FSTL5: variants seen among roughly 807,000 people sequenced by gnomAD.
FSTL5 encodes follistatin like 5.
FSTL5 carries 62 observed loss-of-function variants against 89.1 expected under a neutral mutation model. The observed-to-expected ratio is 0.70, with a 90% CI of 0.57 to 0.86. The LOEUF is 0.86. Ranked by LOEUF, FSTL5 falls within the 40% of genes least tolerant of loss-of-function variation. FSTL5 has a pLI of 0.00. For synonymous variants in FSTL5, 383 were observed against 346.2 expected, an observed-to-expected ratio of 1.11 and a Z score of -1.18; for missense variants, 1,057 against 1,001.6, an observed-to-expected ratio of 1.06 and a Z score of -0.75.
rs182657427 is a variant in FSTL5 at position 161,659,258 on chromosome 4, T to A, written c.728-2764A>T. ...TATTAAGTAACTATATATTTGATAATTTCTTAGATTTGTTTTCTGCATATT... is the reference window on the plus strand; with the variant it reads ...TATTAAGTAACTATATATTTGATAAATTCTTAGATTTGTTTTCTGCATATT... On this transcript the variant is annotated intron_variant, in intron 6 of 15. Transcript: ENST00000306100. Among the ~76,000 whole-genome samples, 1,107 of 152,274 alleles carry A rather than the reference T, an allele frequency of 7.3e-3. 10 individuals are homozygous for A. Among genetic ancestry groups the A allele is most frequent in the African/African-American group, 0.025 (1,040 of 41,566 alleles).
intron 15 of FSTL5, among the ~76,000 whole-genome samples, chr4:161,415,152 A>G (rs1284891160): frequency 1.3e-5 from 2 of 152,218 alleles, no homozygotes; most frequent in Middle Eastern, 3.2e-3. Flanking sequence ...AAAACTTTAT[A>G]TCATTTCACT....
At chr4:161,887,257 T>G (rs1408632479) in intron 4 of FSTL5, among the ~76,000 whole-genome samples, 1 of 152,090 alleles carries the variant, frequency 6.6e-6, no homozygotes, top group Non-Finnish European at 1.5e-5. Context: ...GCAGACACAA[T>G]GACAAAAAAG....
At chr4:161,688,245 G>A (rs1737810197) in intron 6 of FSTL5, among the ~76,000 whole-genome samples, 1 of 152,048 alleles carries the variant, frequency 6.6e-6, no homozygotes, top group South Asian at 2.1e-4. Flanking sequence ...TCCACACCCA[G>A]CTAATATATT....
chr4:161,977,284 T>C (rs1735676097), intron 3 of FSTL5, among the ~76,000 whole-genome samples: 1 of 152,126 alleles, frequency 6.6e-6, no homozygotes, highest in Non-Finnish European at 1.5e-5. Context: ...AAATGGTTAA[T>C]TTTATGTTAC....
intron 10 of FSTL5, among the ~76,000 whole-genome samples, chr4:161,526,986 T>C (rs1236926575): frequency 6.6e-6 from 1 of 152,146 alleles, no homozygotes; most frequent in African/African-American, 2.4e-5. Context: ...AAGAAAGTCA[T>C]TGGTAGCTTG....
intron 15 of FSTL5, among the ~76,000 whole-genome samples, chr4:161,399,102 G>A (rs1731097493): frequency 6.6e-6 from 1 of 152,096 alleles, no homozygotes; most frequent in African/African-American, 2.4e-5. Context: ...AGCGAAGTCT[G>A]TGCATGGACT....
chr4:161,749,789 CAA>C (rs199662552), intron 6 of FSTL5, among the ~76,000 whole-genome samples: 12,024 of 139,820 alleles, frequency 0.086, 914 homozygotes, highest in African/African-American at 0.21. Flanking sequence ...GAGACTCCGT[CAA>C]AAAAAAAATA....
intron 6 of FSTL5, among the ~76,000 whole-genome samples, chr4:161,680,400 C>T (rs986289114): frequency 5.3e-5 from 8 of 151,972 alleles, no homozygotes; most frequent in Non-Finnish European, 1.2e-4. Flanking sequence ...CTTTCCATCT[C>T]CCTATTCAGC....
At chr4:162,078,711 CA>C (rs1473123150) in intron 2 of FSTL5, among the ~76,000 whole-genome samples, 5 of 151,754 alleles carry the variant, frequency 3.3e-5, no homozygotes, top group African/African-American at 1.2e-4. Context: ...TTTAAATAGC[CA>C]TTTGACAATT....
At chr4:162,135,347 C>T (rs1732483845) in intron 1 of FSTL5, among the ~76,000 whole-genome samples, 2 of 151,528 alleles carry the variant, frequency 1.3e-5, no homozygotes, top group Admixed American at 6.6e-5. Context: ...TTTTTTAATA[C>T]AAAGGGTATA....
intron 4 of FSTL5, among the ~76,000 whole-genome samples, chr4:161,864,842 G>A (rs915353216): frequency 6.9e-5 from 10 of 144,846 alleles, no homozygotes; most frequent in East Asian, 4.1e-4. Flanking sequence ...ACTGCACTCC[G>A]GGCTGACGAC....
chr4:161,806,768 A>C (rs1436442858), intron 4 of FSTL5, among the ~76,000 whole-genome samples: 1 of 152,170 alleles, frequency 6.6e-6, no homozygotes, highest in Non-Finnish European at 1.5e-5. Context: ...GAATAATAAT[A>C]ATAGAGATAG....
At chr4:161,420,993 C>T (rs1024192198) in intron 15 of FSTL5, among the ~76,000 whole-genome samples, 4 of 151,854 alleles carry the variant, frequency 2.6e-5, no homozygotes, top group Non-Finnish European at 5.9e-5. Flanking sequence ...CTATTAATAT[C>T]TATACATTTC....
intron 4 of FSTL5, among the ~76,000 whole-genome samples, chr4:161,778,369 T>C (rs1741497025): frequency 6.6e-6 from 1 of 152,202 alleles, no homozygotes; most frequent in African/African-American, 2.4e-5. Context: ...GAAAAAATCC[T>C]AACTTTATAA....
chr4:161,850,342 T>C (rs1731508322), intron 4 of FSTL5, among the ~76,000 whole-genome samples: 1 of 152,138 alleles, frequency 6.6e-6, no homozygotes, highest in Non-Finnish European at 1.5e-5. Context: ...ATTGATTGTA[T>C]TACTGTGCAC....
chr4:161,766,234 G>A (rs554057121), intron 5 of FSTL5, among the ~76,000 whole-genome samples: 16 of 152,254 alleles, frequency 1.1e-4, no homozygotes, highest in Non-Finnish European at 1.8e-4. Context: ...TAAATTCTAT[G>A]AGTGTTATTT....
intron 3 of FSTL5, among the ~76,000 whole-genome samples, chr4:162,001,368 C>T (rs1377627316): frequency 6.6e-6 from 1 of 152,106 alleles, no homozygotes; most frequent in Non-Finnish European, 1.5e-5. Flanking sequence ...TATTTAGCAA[C>T]TAGTAAAAAC....
Position 161,455,143 on chromosome 4 carries a change from C to G in FSTL5, c.1717-15G>C. On this transcript the variant is annotated splice_polypyrimidine_tract_variant and intron_variant, in intron 14 of 15. Transcript: ENST00000306100. ...AGGGTAATTACCTAAAGAGAACACA[C>G]CTTGGTTAGACCTCAACAATGCAGT... 6.3e-7 allele frequency: 1 copy of G among 1,584,162 alleles called. No homozygotes were observed. Among genetic ancestry groups the G allele is most frequent in the Non-Finnish European group, 8.6e-7 (1 of 1,168,298 alleles).
Position 162,163,618 on chromosome 4 carries a change from A to C in FSTL5, c.-20T>G, listed in dbSNP as rs1393974021. 1 of 151,454 alleles carries C rather than the reference A, an allele frequency of 6.6e-6. No homozygotes were observed. The highest frequency in any genetic ancestry group is 2.4e-5 in the African/African-American group (1 of 41,250). 9.4% of individuals were successfully genotyped at this position (151,454 alleles called of 1,614,324 possible). A position where few individuals can be genotyped will look rare whatever the true frequency, so the allele number is the denominator to read the frequency against. On this transcript the variant is annotated 5_prime_UTR_variant, in exon 1 of 16. Transcript: ENST00000306100. ...ATAACAATATTATTTTTCTTACCTT[A>C]TTTTAACAGTCACAAAAGTCCCCCA... is the stretch of plus-strand genomic sequence containing the variant.
Sources: allele counts gnomAD v4.1 joint callset (sites outside exome capture counted in the v4.1 genomes callset), GRCh38; gene constraint gnomAD v4.1.1; transcripts MANE v1.5; gene names NCBI Gene and HGNC (gene_info 2026-07-23, HGNC 2026-07-21).